CCDC85C: variants seen among roughly 807,000 people sequenced by gnomAD.
CCDC85C encodes coiled-coil domain containing 85C, also known as coiled-coil domain-containing protein 85C.
A neutral mutation model predicts 38.3 loss-of-function variants in CCDC85C; 18 were observed. The observed-to-expected ratio is 0.47, with a 90% CI of 0.33 to 0.70. The LOEUF (loss-of-function observed/expected upper bound fraction) is 0.70. Among genes scored for constraint, CCDC85C ranks in the 30% least tolerant of loss-of-function variants. The pLI is 0.03. For synonymous variants in CCDC85C, 264 were observed against 293.8 expected (o/e 0.90, Z 1.04); for missense variants, 566 against 621.2 (o/e 0.91, Z 0.94).
chr14:99,513,875 C>G lies in CCDC85C; in HGVS notation c.*1371G>C, dbSNP rs967784157. 53 of 152,508 alleles carry G rather than the reference C, an allele frequency of 3.5e-4. No individual in the cohort carries two copies. Among genetic ancestry groups the G allele is most frequent in the African/African-American group, 1.3e-3 (52 of 41,584 alleles). 9.4% of individuals were successfully genotyped at this position (152,508 alleles called of 1,614,324 possible). A position where few individuals can be genotyped will look rare whatever the true frequency, so the allele number is the denominator to read the frequency against. ...CCCTGTCATGTGCCACACATCACCC[C>G]CTCTAGGCCTTACTTTCCTCACACA... is the stretch of plus-strand genomic sequence containing the variant. On this transcript the variant is annotated 3_prime_UTR_variant, in exon 6 of 6. Coordinates refer to ENST00000380243, the MANE Select transcript of CCDC85C (RefSeq NM_001144995.2).
At position 99,569,507 on chromosome 14, in the gene CCDC85C, C is replaced by T. The variant is rs1486744956; in HGVS notation, c.794-33419G>A. ...CGGCTGCCCCAGGGCTGGGACCAAA[C>T]CCACAGCCACAAAAACCAATGCCAC... is the stretch of plus-strand genomic sequence containing the variant. On this transcript the variant is annotated intron_variant, in intron 1 of 5. Coordinates refer to ENST00000380243, the MANE Select transcript of CCDC85C (RefSeq NM_001144995.2). The surrounding 1 kb of genome is among the most constrained non-coding windows in gnomAD (Gnocchi z 4.3). 6.6e-6 allele frequency among the ~76,000 whole-genome samples: 1 copy of T among 152,198 alleles called. No individual in the cohort carries two copies. Among genetic ancestry groups the T allele is most frequent in the African/African-American group, 2.4e-5 (1 of 41,444 alleles).
At position 99,603,998 on chromosome 14, in the gene CCDC85C, C is replaced by T; in HGVS notation, c.-39G>A. 2.5e-6 allele frequency: 3 copies of T among 1,208,980 alleles called. No individual in the cohort carries two copies. The highest frequency in any genetic ancestry group is 2.1e-6 in the Non-Finnish European group (2 of 974,644). 74.9% of individuals were successfully genotyped at this position (1,208,980 alleles called of 1,614,324 possible). On this transcript the variant is annotated 5_prime_UTR_variant, in exon 1 of 6. Coordinates refer to ENST00000380243, the MANE Select transcript of CCDC85C (RefSeq NM_001144995.2). This position sits in a 1 kb window ranked among gnomAD's most constrained non-coding sequence, Gnocchi z 7.5. The stretch of plus-strand genomic sequence containing the variant: ...CCGCGGCATCGCCCTCGCCCTCGCC[C>T]GGCCGGCGCTTCCCCGCGCCGGGGC...
chr14:99,555,732 G>A (rs112406485), intron 1 of CCDC85C, among the ~76,000 whole-genome samples: 46 of 152,222 alleles, frequency 3.0e-4, no homozygotes, highest in African/African-American at 1.1e-3. Flanking sequence ...TGTGGATGCT[G>A]AGACAAGTGC....
chr14:99,516,078 C>T lies in CCDC85C; in HGVS notation c.1170+110G>A. ...GCTATCCAAGGTCACCCAGCCTTCG[C>T]TGAGCATTCGAGAAATGGAGTCCCA... On this transcript the variant is annotated intron_variant, in intron 5 of 5. Transcript: ENST00000380243. This position sits in a 1 kb window ranked among gnomAD's most constrained non-coding sequence, Gnocchi z 5.5. The T allele has an allele frequency of 2.2e-5, 19 of 879,954 alleles. No homozygotes were observed. The highest frequency in any genetic ancestry group is 3.4e-5 in the Non-Finnish European group (19 of 551,898). 54.5% of individuals were successfully genotyped at this position (879,954 alleles called of 1,614,324 possible). A position where few individuals can be genotyped will look rare whatever the true frequency, so the allele number is the denominator to read the frequency against.
At chr14:99,536,205 C>G (rs1897595934) in intron 1 of CCDC85C, 117 bp from the exon 2 acceptor site, 1 of 741,022 alleles carries the variant, frequency 1.3e-6, no homozygotes, top group Admixed American at 2.0e-5. Flanking sequence ...AGTCCCACCC[C>G]ACAGCCAGGT....
chr14:99,568,246 C>CTTGCCCTTTTTT (rs1555370978), intron 1 of CCDC85C, among the ~76,000 whole-genome samples: 1 of 114,488 alleles, frequency 8.7e-6, no homozygotes, highest in African/African-American at 3.8e-5. Flanking sequence ...GCCACCTGCC[C>CTTGCCCTTTTTT]TTTATTTTTT....
rs1236864113 is a variant in CCDC85C at position 99,508,908 on chromosome 14, CTT to C, written c.*6336_*6337del. ...AGGGTGTCAGCACTTTTCTGCACCTCTTTTTTAGTCAGCTCCTAGAACCACAG... is the reference window on the plus strand; with the variant it reads ...AGGGTGTCAGCACTTTTCTGCACCTCTTTTAGTCAGCTCCTAGAACCACAG... On this transcript the variant is annotated 3_prime_UTR_variant, in exon 6 of 6. Transcript: ENST00000380243. 6.6e-6 allele frequency: 1 copy of C among 152,240 alleles called. No homozygotes were observed. The highest frequency in any genetic ancestry group is 1.5e-5 in the Non-Finnish European group (1 of 68,064). 9.4% of individuals were successfully genotyped at this position (152,240 alleles called of 1,614,324 possible).
At chr14:99,567,816 ACT>A (rs1216497367) in intron 1 of CCDC85C, among the ~76,000 whole-genome samples, 2 of 152,110 alleles carry the variant, frequency 1.3e-5, no homozygotes, top group African/African-American at 4.8e-5. Flanking sequence ...CAAGAGCGAA[ACT>A]CTGTCTCAAA....
At chr14:99,574,344 C>T (rs934802098) in intron 1 of CCDC85C, among the ~76,000 whole-genome samples, 21 of 152,104 alleles carry the variant, frequency 1.4e-4, no homozygotes, top group Non-Finnish European at 2.9e-4. Context: ...GGAATCCTTC[C>T]TGGATTGGAA....
chr14:99,560,757 C>T (rs149206219), intron 1 of CCDC85C, among the ~76,000 whole-genome samples: 2,201 of 152,330 alleles, frequency 0.014, 28 homozygotes, highest in Middle Eastern at 0.054. Context: ...AGAGAGTGGC[C>T]GCCTGGGCGG....
chr14:99,542,595 G>A (rs947726644), intron 1 of CCDC85C, among the ~76,000 whole-genome samples: 1 of 152,176 alleles, frequency 6.6e-6, no homozygotes, highest in African/African-American at 2.4e-5. Flanking sequence ...AGAGGCTCCG[G>A]GTAGCAGCCG....
chr14:99,582,480 G>C (rs2054983385), intron 1 of CCDC85C, among the ~76,000 whole-genome samples: 1 of 152,084 alleles, frequency 6.6e-6, no homozygotes, highest in Admixed American at 6.5e-5. Context: ...CCTGATCTCA[G>C]CCGAAAATGG....
chr14:99,532,732 C>T (rs1190131089), intron 2 of CCDC85C, among the ~76,000 whole-genome samples: 1 of 151,930 alleles, frequency 6.6e-6, no homozygotes, highest in Non-Finnish European at 1.5e-5. Flanking sequence ...CCATGGCCAG[C>T]AGGAACCCCA....
At chr14:99,586,975 T>C (rs1477292228) in intron 1 of CCDC85C, among the ~76,000 whole-genome samples, 7 of 152,312 alleles carry the variant, frequency 4.6e-5, no homozygotes, top group African/African-American at 1.7e-4. Flanking sequence ...ACCGGGGACC[T>C]GCTTGCTCCT....
At position 99,517,074 on chromosome 14, in the gene CCDC85C, G is replaced by A. The variant is rs1897237178; in HGVS notation, c.1071+14C>T. The A allele has an allele frequency of 6.5e-7, 1 of 1,549,030 alleles. No homozygotes were observed. Among genetic ancestry groups the A allele is most frequent in the Non-Finnish European group, 8.7e-7 (1 of 1,145,540 alleles). ...CATCTGAGGACTTCTGAGGGAGCGG[G>A]TAGTGGCCCTCACCTTCATGGCATG... On this transcript the variant is annotated intron_variant, in intron 4 of 5. Coordinates refer to ENST00000380243, the MANE Select transcript of CCDC85C (RefSeq NM_001144995.2).
intron 2 of CCDC85C, among the ~76,000 whole-genome samples, chr14:99,527,475 T>C (rs1897407967): frequency 2.6e-5 from 4 of 152,210 alleles, no homozygotes; most frequent in Middle Eastern, 3.4e-3. Context: ...AATGAAACCA[T>C]GTGGAGACCT....
At chr14:99,521,241 C>T (rs917725398) in intron 3 of CCDC85C, among the ~76,000 whole-genome samples, 3 of 152,234 alleles carry the variant, frequency 2.0e-5, no homozygotes, top group Admixed American at 6.5e-5. Flanking sequence ...CACGGGACTC[C>T]GGATAAATGC....
intron 1 of CCDC85C, among the ~76,000 whole-genome samples, chr14:99,561,446 C>T (rs368963225): frequency 5.9e-5 from 9 of 152,308 alleles, no homozygotes; most frequent in East Asian, 3.9e-4. Context: ...CCATCCTCCA[C>T]GGCAGCAGAG....
intron 1 of CCDC85C, among the ~76,000 whole-genome samples, chr14:99,597,853 C>G (rs1246220550): frequency 1.3e-5 from 2 of 152,228 alleles, no homozygotes; most frequent in Non-Finnish European, 2.9e-5. Context: ...CACTCCCACC[C>G]AGGGAAGGCA....
Sources: gnomAD v4.1 joint callset for allele counts (sites outside exome capture counted in the v4.1 genomes callset) on GRCh38, gnomAD v4.1.1 for gene constraint, Gnocchi (gnomAD v3.1) non-coding constraint, MANE v1.5 for transcripts, NCBI Gene and HGNC (gene_info 2026-07-23, HGNC 2026-07-21) for gene names.